Variants in ST6GALNAC5 observed in about 807,000 individuals in gnomAD.
ST6GALNAC5 encodes the protein ST6 N-acetylgalactosaminide alpha-2,6-sialyltransferase 5, also known as alpha-N-acetylgalactosaminide alpha-2,6-sialyltransferase 5.
In ST6GALNAC5, 27 loss-of-function variants were observed where a neutral mutation model predicts 33.6. The observed-to-expected ratio is 0.80, with a 90% confidence interval of 0.59 to 1.11. The LOEUF is 1.11. ST6GALNAC5 is among the 50% of genes least tolerant of loss of function. The pLI is 0.00. For missense variants in ST6GALNAC5, 428 were observed against 454.0 expected (o/e 0.94, Z 0.52); for synonymous variants, 194 against 171.2 (o/e 1.13, Z -1.04).
At chr1:76,916,864 T>C (rs892419182) in intron 2 of ST6GALNAC5, among the ~76,000 whole-genome samples, 1 of 152,190 alleles carries the variant, frequency 6.6e-6, no homozygotes, top group African/African-American at 2.4e-5. Context: ...ATAATGTTAG[T>C]ATAATTTCCC....
chr1:76,908,309 G>C (rs1356088254), intron 2 of ST6GALNAC5, among the ~76,000 whole-genome samples: 2 of 152,116 alleles, frequency 1.3e-5, no homozygotes, highest in African/African-American at 4.8e-5. Flanking sequence ...CCTGGTTCAT[G>C]GATGGGGGCT....
At chr1:76,933,797 A>G (rs2100313884) in intron 2 of ST6GALNAC5, among the ~76,000 whole-genome samples, 1 of 151,134 alleles carries the variant, frequency 6.6e-6, no homozygotes. Flanking sequence ...CCCAGAAAGT[A>G]AGGAAAACAA....
intron 2 of ST6GALNAC5, among the ~76,000 whole-genome samples, chr1:76,886,801 T>C (rs1410233131): frequency 6.6e-6 from 1 of 152,224 alleles, no homozygotes; most frequent in Non-Finnish European, 1.5e-5. Flanking sequence ...AATCATTCAA[T>C]ATTTGTCATC....
At position 77,066,020 on chromosome 1, in the gene ST6GALNAC5, A is replaced by G. The variant is rs116540370; in HGVS notation, c.*2814A>G. On this transcript the variant is annotated 3_prime_UTR_variant, in exon 5 of 5. Transcript: ENST00000477717. ...CATAAAAGGAGGAATCTCAGATTTA[A>G]TATTCTACGGTAAATATTCACCCAA... Among the ~76,000 whole-genome samples the G allele has an allele frequency of 8.2e-3, 1,255 of 152,328 alleles. 21 individuals are homozygous for G. Among genetic ancestry groups the G allele is most frequent in the African/African-American group, 0.029 (1,209 of 41,568 alleles).
At chr1:76,906,637 A>T (rs1646866550) in intron 2 of ST6GALNAC5, among the ~76,000 whole-genome samples, 1 of 152,188 alleles carries the variant, frequency 6.6e-6, no homozygotes, top group African/African-American at 2.4e-5. Flanking sequence ...TCTGATTGAT[A>T]ACATAGGGTA....
intron 2 of ST6GALNAC5, among the ~76,000 whole-genome samples, chr1:77,031,898 G>T (rs1185094876): frequency 6.6e-6 from 1 of 152,192 alleles, no homozygotes; most frequent in Non-Finnish European, 1.5e-5. Context: ...CATTGAATCA[G>T]TGATTGTCAA....
chr1:76,982,469 G>T (rs1649297792), intron 2 of ST6GALNAC5, among the ~76,000 whole-genome samples: 2 of 152,182 alleles, frequency 1.3e-5, no homozygotes, highest in Admixed American at 1.3e-4. Context: ...AGAGCAAAAA[G>T]AGTAAAAAGA....
chr1:77,006,135 A>G (rs12742057), intron 2 of ST6GALNAC5, among the ~76,000 whole-genome samples: 416 of 151,628 alleles, frequency 2.7e-3, no homozygotes, highest in Non-Finnish European at 4.4e-3. Flanking sequence ...AGAAATGTGT[A>G]GTTTTTTTTG....
At chr1:76,912,397 T>G (rs1216337830) in intron 2 of ST6GALNAC5, among the ~76,000 whole-genome samples, 7 of 152,152 alleles carry the variant, frequency 4.6e-5, no homozygotes, top group Admixed American at 4.6e-4. Flanking sequence ...AAAATGTATA[T>G]TCTGTTGATT....
chr1:76,979,607 A>G (rs1219711317), intron 2 of ST6GALNAC5, among the ~76,000 whole-genome samples: 1 of 152,210 alleles, frequency 6.6e-6, no homozygotes, highest in African/African-American at 2.4e-5. Context: ...ACCTCTCACG[A>G]TATGCAAAAA....
At chr1:76,967,579 C>G (rs1461511606) in intron 2 of ST6GALNAC5, among the ~76,000 whole-genome samples, 1 of 152,132 alleles carries the variant, frequency 6.6e-6, no homozygotes. Context: ...GTGTCTCTAT[C>G]TCTTTCAGTG....
chr1:76,934,549 G>A (rs759548099), intron 2 of ST6GALNAC5, among the ~76,000 whole-genome samples: 8 of 151,966 alleles, frequency 5.3e-5, no homozygotes, highest in Non-Finnish European at 1.2e-4. Flanking sequence ...TATTGTCTGC[G>A]ATAAAATCCC....
intron 2 of ST6GALNAC5, among the ~76,000 whole-genome samples, chr1:76,964,200 G>A (rs1391971057): frequency 1.3e-5 from 2 of 152,048 alleles, no homozygotes; most frequent in African/African-American, 4.8e-5. Context: ...ATTTGTAACA[G>A]CAGCTATAAA....
intron 2 of ST6GALNAC5, among the ~76,000 whole-genome samples, chr1:76,878,529 T>C (rs893935180): frequency 2.6e-5 from 4 of 152,152 alleles, no homozygotes; most frequent in African/African-American, 9.7e-5. Flanking sequence ...TCATTTCCCT[T>C]TCCCCAGTGC....
rs1653384532 is a variant in ST6GALNAC5 at position 76,868,027 on chromosome 1, A to T, written c.15+337A>T. The stretch of plus-strand genomic sequence containing the variant: ...AAAAGCAACAGCCTGCCAAAAACTA[A>T]GAGGGACGGGGAGGGGGGACCTTTG... On this transcript the variant is annotated intron_variant, in intron 1 of 4. Coordinates refer to ENST00000477717, the MANE Select transcript of ST6GALNAC5 (RefSeq NM_030965.3). The surrounding 1 kb of genome is among the most constrained non-coding windows in gnomAD (Gnocchi z 4.3). Among the ~76,000 whole-genome samples the T allele has an allele frequency of 6.6e-6, 1 of 152,146 alleles. No homozygotes were observed. Among genetic ancestry groups the T allele is most frequent in the South Asian group, 2.1e-4 (1 of 4,828 alleles).
chr1:77,028,960 T>C (rs1651348935), intron 2 of ST6GALNAC5, among the ~76,000 whole-genome samples: 1 of 152,204 alleles, frequency 6.6e-6, no homozygotes, highest in African/African-American at 2.4e-5. Flanking sequence ...GCATTTCAGA[T>C]GAAGGCTATT....
chr1:76,985,482 T>A (rs1041021827), intron 2 of ST6GALNAC5, among the ~76,000 whole-genome samples: 2 of 152,104 alleles, frequency 1.3e-5, no homozygotes, highest in Non-Finnish European at 2.9e-5. Context: ...CAAGGAGAAC[T>A]ACAAACCACT....
chr1:76,873,513 G>A (rs1267726986), intron 2 of ST6GALNAC5, among the ~76,000 whole-genome samples: 1 of 152,138 alleles, frequency 6.6e-6, no homozygotes, highest in African/African-American at 2.4e-5. Flanking sequence ...AGAAAGAAGG[G>A]AGTGAAGGTG....
At chr1:76,894,392 T>C (rs1023977618) in intron 2 of ST6GALNAC5, among the ~76,000 whole-genome samples, 8 of 151,848 alleles carry the variant, frequency 5.3e-5, no homozygotes, top group Non-Finnish European at 8.8e-5. Flanking sequence ...CCTGAAGAGT[T>C]TTGTGTGGGG....
Sources: gnomAD v4.1 joint callset for allele counts (sites outside exome capture counted in the v4.1 genomes callset) on GRCh38, gnomAD v4.1.1 for gene constraint, Gnocchi (gnomAD v3.1) non-coding constraint, MANE v1.5 for transcripts, NCBI Gene and HGNC (gene_info 2026-07-23, HGNC 2026-07-21) for gene names.